Variants in TAOK1 observed in about 807,000 individuals in gnomAD.
TAOK1 encodes the protein serine/threonine-protein kinase TAO1.
Under a neutral mutation model 138.3 loss-of-function variants are expected in TAOK1, and 21 were observed. The ratio of observed to expected loss-of-function variants is 0.15; its 90% confidence interval spans 0.11 to 0.22. The LOEUF (loss-of-function observed/expected upper bound fraction) is 0.22, where lower values mean the gene tolerates loss of function less well. Among genes scored for constraint, TAOK1 ranks in the 10% least tolerant of loss-of-function variants. The pLI is 1.00. For missense variants in TAOK1, 651 were observed against 1,227.7 expected (o/e 0.53, Z 7.02); for synonymous variants, 361 against 398.4 (o/e 0.91, Z 1.12).
At chr17:29,449,113 G>A (rs535691347) in intron 1 of TAOK1, among the ~76,000 whole-genome samples, 106 of 152,106 alleles carry the variant, frequency 7.0e-4, no homozygotes, top group Non-Finnish European at 1.4e-3. Flanking sequence ...TGTAATAAGG[G>A]CACTAAAACT....
chr17:29,404,761 G>C (rs1049500103), intron 1 of TAOK1, among the ~76,000 whole-genome samples: 2 of 152,140 alleles, frequency 1.3e-5, no homozygotes, highest in Non-Finnish European at 2.9e-5. Flanking sequence ...CTGCATTCCA[G>C]CTTGGGCAAC....
chr17:29,539,739 T>C (rs961886789), intron 19 of TAOK1, among the ~76,000 whole-genome samples: 1 of 152,122 alleles, frequency 6.6e-6, no homozygotes, highest in African/African-American at 2.4e-5. Flanking sequence ...ACCCAGCCAA[T>C]TTTTGTATTT....
At chr17:29,455,510 G>T (rs1222228082) in intron 2 of TAOK1, among the ~76,000 whole-genome samples, 17 of 150,478 alleles carry the variant, frequency 1.1e-4, no homozygotes, top group Admixed American at 1.1e-3. Context: ...GTACAGTGTT[G>T]AACAGCCGTG....
intron 3 of TAOK1, among the ~76,000 whole-genome samples, chr17:29,473,665 G>A (rs1379488237): frequency 2.0e-5 from 3 of 150,600 alleles, no homozygotes; most frequent in Non-Finnish European, 4.4e-5. Flanking sequence ...TAGATCTTCT[G>A]GATAACTTGC....
chr17:29,393,526 GAA>G (rs1356013378), intron 1 of TAOK1, among the ~76,000 whole-genome samples: 3 of 152,184 alleles, frequency 2.0e-5, no homozygotes, highest in African/African-American at 7.2e-5. Flanking sequence ...CTGTCAGAAA[GAA>G]AATGCTGAGA....
chr17:29,509,728 C>A (rs2031685947), intron 14 of TAOK1, among the ~76,000 whole-genome samples: 1 of 151,120 alleles, frequency 6.6e-6, no homozygotes, highest in African/African-American at 2.4e-5. Flanking sequence ...ACTCTGTCTC[C>A]ACACACAAAA....
chr17:29,465,009 C>T (rs58555175), intron 2 of TAOK1, among the ~76,000 whole-genome samples: 57,909 of 150,830 alleles, frequency 0.38, 11,936 homozygotes, highest in East Asian at 0.88. Flanking sequence ...TTGGTAGAGA[C>T]GGGGTTTCAC....
At chr17:29,463,340 C>T (rs1255787351) in intron 2 of TAOK1, among the ~76,000 whole-genome samples, 2 of 152,034 alleles carry the variant, frequency 1.3e-5, no homozygotes, top group Non-Finnish European at 1.5e-5. Flanking sequence ...GAGGCCAAGG[C>T]GGGCAGATCA....
At chr17:29,404,012 G>A (rs538470880) in intron 1 of TAOK1, 175 of 152,212 alleles carry the variant, frequency 1.1e-3, no homozygotes, top group African/African-American at 4.1e-3. Flanking sequence ...TGTGTTTTAT[G>A]TGTGAATGTC....
intron 1 of TAOK1, among the ~76,000 whole-genome samples, chr17:29,399,231 C>T (rs1904761848): frequency 6.6e-6 from 1 of 152,188 alleles, no homozygotes; most frequent in East Asian, 1.9e-4. Context: ...GTGGTTCCAC[C>T]TGCCTCAGCC....
chr17:29,477,332 A>T (rs536508300), intron 4 of TAOK1, among the ~76,000 whole-genome samples: 1 of 152,092 alleles, frequency 6.6e-6, no homozygotes, highest in African/African-American at 2.4e-5. Flanking sequence ...GAAATAGTGT[A>T]TTTCTTTATA....
At chr17:29,422,209 T>A (rs185161852) in intron 1 of TAOK1, among the ~76,000 whole-genome samples, 8 of 144,448 alleles carry the variant, frequency 5.5e-5, no homozygotes, top group African/African-American at 7.7e-5. Flanking sequence ...TCCTTTTTTT[T>A]AATTTATTTT....
intron 9 of TAOK1, 140 bp from the exon 10 acceptor site, chr17:29,491,644 T>A: frequency 1.6e-6 from 1 of 606,714 alleles, no homozygotes; most frequent in Non-Finnish European, 2.9e-6. Flanking sequence ...CATAGACTTA[T>A]ATGAAACTGT....
At chr17:29,484,583 CG>C (rs2009664424) in intron 8 of TAOK1, among the ~76,000 whole-genome samples, 1 of 151,878 alleles carries the variant, frequency 6.6e-6, no homozygotes, top group African/African-American at 2.4e-5. Context: ...GTATGATTTT[CG>C]TTTTTTTTCT....
intron 17 of TAOK1, among the ~76,000 whole-genome samples, chr17:29,525,486 C>A (rs2031994628): frequency 6.6e-6 from 1 of 151,862 alleles, no homozygotes; most frequent in African/African-American, 2.4e-5. Flanking sequence ...CTCACTGCAA[C>A]CTCTGCCTCC....
In TAOK1 at chr17:29,546,618, A is replaced by G. The variant is rs1263572627; in HGVS notation, c.*3596A>G. 1 of 152,084 alleles carries G rather than the reference A, an allele frequency of 6.6e-6. No individual in the cohort carries two copies. Among genetic ancestry groups the G allele is most frequent in the East Asian group, 1.9e-4 (1 of 5,194 alleles). 9.4% of individuals were successfully genotyped at this position (152,084 alleles called of 1,614,324 possible). On this transcript the variant is annotated 3_prime_UTR_variant, in exon 20 of 20. Coordinates refer to ENST00000261716, the MANE Select transcript of TAOK1 (RefSeq NM_020791.4). ...TTGTGCCATTCACTAGTGGAAATAA[A>G]TTGTATTATACCATGATCTACTGGC...
chr17:29,523,889 T>C (rs2031963734), intron 17 of TAOK1, among the ~76,000 whole-genome samples: 1 of 152,184 alleles, frequency 6.6e-6, no homozygotes, highest in South Asian at 2.1e-4. Flanking sequence ...ATAAAATGGT[T>C]CTTGGTTTTA....
At chr17:29,435,467 C>G (rs1905997043) in intron 1 of TAOK1, among the ~76,000 whole-genome samples, 1 of 152,116 alleles carries the variant, frequency 6.6e-6, no homozygotes, top group South Asian at 2.1e-4. Context: ...TTTAGATTGG[C>G]TTTGATGGAA....
intron 1 of TAOK1, among the ~76,000 whole-genome samples, chr17:29,451,098 G>A (rs1297555546): frequency 6.6e-6 from 1 of 152,190 alleles, no homozygotes; most frequent in African/African-American, 2.4e-5. Flanking sequence ...CAGAAATACT[G>A]TGGGCACATC....
Sources: gnomAD v4.1 joint callset for allele counts (sites outside exome capture counted in the v4.1 genomes callset) on GRCh38, gnomAD v4.1.1 for gene constraint, MANE v1.5 for transcripts, NCBI Gene and HGNC (gene_info 2026-07-23, HGNC 2026-07-21) for gene names.